Variants in VPS26B observed in about 807,000 individuals in gnomAD.
VPS26B encodes vacuolar protein sorting-associated protein 26B.
VPS26B carries 10 observed loss-of-function variants against 33.3 expected under a neutral mutation model. The observed-to-expected ratio is 0.30, with a 90% CI of 0.19 to 0.51. VPS26B has a LOEUF of 0.51. Ranked by LOEUF, VPS26B falls within the 20% of genes least tolerant of loss-of-function variation. VPS26B has a pLI of 0.98. For synonymous variants in VPS26B, 190 were observed against 176.9 expected, an observed-to-expected ratio of 1.07 and a Z score of -0.59; for missense variants, 317 against 452.7, an observed-to-expected ratio of 0.70 and a Z score of 2.72.
chr11:134,245,783 T>C lies in VPS26B; in HGVS notation c.*193T>C, dbSNP rs1026694284. ...GCTTGGGGTGGGAAGCAGTCTCTCC[T>C]TGGGATTCTGCGGCCGATGTGGGAT... is the stretch of plus-strand genomic sequence containing the variant. On this transcript the variant is annotated 3_prime_UTR_variant, in exon 6 of 6. Transcript: ENST00000281187. This position sits in a 1 kb window ranked among gnomAD's most constrained non-coding sequence, Gnocchi z 4.7. The C allele has an allele frequency of 6.4e-5, 47 of 739,472 alleles. 1 individual carries two copies. The highest frequency in any genetic ancestry group is 6.0e-4 in the South Asian group (30 of 49,928). The allele number at this position is 739,472 out of a possible 1,614,324, so 45.8% of individuals were successfully genotyped here.
intron 1 of VPS26B, among the ~76,000 whole-genome samples, chr11:134,233,698 C>G (rs544419512): frequency 2.0e-5 from 3 of 151,818 alleles, no homozygotes; most frequent in African/African-American, 4.8e-5. Context: ...GCACTCCAGC[C>G]TGGGCGACAG....
At chr11:134,241,449 G>GCCCA (rs1938724202) in intron 3 of VPS26B, among the ~76,000 whole-genome samples, 1 of 152,220 alleles carries the variant, frequency 6.6e-6, no homozygotes, top group South Asian at 2.1e-4. Context: ...CCTCGCCTAA[G>GCCCA]CCCACCAGTG....
At position 134,240,219 on chromosome 11, in the gene VPS26B, C is replaced by G; in HGVS notation, c.545+64C>G. 1 of 1,554,364 alleles carries G rather than the reference C, an allele frequency of 6.4e-7. No individual in the cohort carries two copies. The highest frequency in any genetic ancestry group is 8.8e-7 in the Non-Finnish European group (1 of 1,132,894). On this transcript the variant is annotated intron_variant, in intron 3 of 5. Transcript: ENST00000281187. The surrounding 1 kb of genome is among the most constrained non-coding windows in gnomAD (Gnocchi z 4.4). ...AAGGAGGTTAAGATGGGACTTGATG[C>G]AGATGCAAACTGATGACCCTCTGTG...
intron 2 of VPS26B, among the ~76,000 whole-genome samples, chr11:134,237,087 G>A (rs1292712550): frequency 6.6e-6 from 1 of 152,208 alleles, no homozygotes; most frequent in South Asian, 2.1e-4. Flanking sequence ...GTTTAAAGAT[G>A]TAACTTCCAG....
At chr11:134,231,215 C>T (rs1036742982) in intron 1 of VPS26B, among the ~76,000 whole-genome samples, 2 of 150,428 alleles carry the variant, frequency 1.3e-5, no homozygotes, top group African/African-American at 2.5e-5. Flanking sequence ...AGCCAACAGA[C>T]ATTATCTGGA....
rs79511723 is a variant in VPS26B at position 134,237,235 on chromosome 11, G to A, written c.380+2182G>A. 6.9e-3 allele frequency among the ~76,000 whole-genome samples: 1,055 copies of A among 152,316 alleles called. 14 individuals carry two copies. The highest frequency in any genetic ancestry group is 0.024 in the African/African-American group (1,005 of 41,578). ...ATGTAGCATTTGGTGGATGGGAAGA[G>A]TGTAGAGACAAAACTATCAGAAGGC... On this transcript the variant is annotated intron_variant, in intron 2 of 5. Coordinates refer to ENST00000281187, the MANE Select transcript of VPS26B (RefSeq NM_052875.5).
At position 134,244,723 on chromosome 11, in the gene VPS26B, G is replaced by T; in HGVS notation, c.722-215G>T. ...CTCAGTTGCTCTCTGTTTTCGAGAA[G>T]ACATGAGAAGCTGCAACATGACCTG... On this transcript the variant is annotated intron_variant, in intron 4 of 5. Transcript: ENST00000281187. This position sits in a 1 kb window ranked among gnomAD's most constrained non-coding sequence, Gnocchi z 4.0. 1.8e-6 allele frequency: 1 copy of T among 555,870 alleles called. No homozygotes were observed. The highest frequency in any genetic ancestry group is 3.1e-6 in the Non-Finnish European group (1 of 321,004). The allele number at this position is 555,870 out of a possible 1,614,324, so 34.4% of individuals were successfully genotyped here.
chr11:134,239,957 G>T lies in VPS26B; in HGVS notation c.381-34G>T, dbSNP rs768889780. 3.7e-6 allele frequency: 6 copies of T among 1,613,516 alleles called. No homozygotes were observed. The East Asian group carries it at 6.7e-5, about 18-fold the overall frequency. On this transcript the variant is annotated intron_variant, in intron 2 of 5. Transcript: ENST00000281187. ...TATCTAGGTAGCATCTGGAGACTGG[G>T]AGTGTTTATTCATGACAGTTCCGTC...
intron 1 of VPS26B, among the ~76,000 whole-genome samples, chr11:134,231,311 AATTC>A (rs1279836386): frequency 6.6e-6 from 1 of 151,910 alleles, no homozygotes; most frequent in Non-Finnish European, 1.5e-5. Flanking sequence ...TCTGTATTTT[AATTC>A]ATTAGCCCTT....
intron 1 of VPS26B, among the ~76,000 whole-genome samples, chr11:134,225,727 C>G (rs1938445631): frequency 6.6e-6 from 1 of 152,192 alleles, no homozygotes; most frequent in African/African-American, 2.4e-5. Flanking sequence ...TAGGGGGAGA[C>G]CGCTCTGCCA....
intron 3 of VPS26B, among the ~76,000 whole-genome samples, chr11:134,242,265 G>C (rs554304461): frequency 6.6e-6 from 1 of 152,198 alleles, no homozygotes; most frequent in Non-Finnish European, 1.5e-5. Context: ...GTGTGAAACA[G>C]TGGGGAACAC....
rs1435125394 is a variant in VPS26B at position 134,247,095 on chromosome 11, A to T, written c.*1505A>T. The stretch of plus-strand genomic sequence containing the variant: ...GCCTTTGGCAGGGCTCATGGATCAG[A>T]GCTGAGACTGGAGGGAGAGGCATTT... On this transcript the variant is annotated 3_prime_UTR_variant, in exon 6 of 6. Transcript: ENST00000281187. The T allele has an allele frequency of 1.3e-5, 2 of 152,142 alleles. No individual in the cohort carries two copies. The highest frequency in any genetic ancestry group is 2.9e-5 in the Non-Finnish European group (2 of 68,048). 9.4% of individuals were successfully genotyped at this position (152,142 alleles called of 1,614,324 possible).
rs1938784058 is a variant in VPS26B at position 134,244,712 on chromosome 11, G to A, written c.722-226G>A. On this transcript the variant is annotated intron_variant, in intron 4 of 5. Transcript: ENST00000281187. This position sits in a 1 kb window ranked among gnomAD's most constrained non-coding sequence, Gnocchi z 4.0. ...TGCTGTTCCCACTCAGTTGCTCTCT[G>A]TTTTCGAGAAGACATGAGAAGCTGC... 5.6e-6 allele frequency: 3 copies of A among 537,652 alleles called. No individual in the cohort carries two copies. In the East Asian group the frequency reaches 9.4e-5, roughly 17 times the overall value. The allele number at this position is 537,652 out of a possible 1,614,324, so 33.3% of individuals were successfully genotyped here. A position where few individuals can be genotyped will look rare whatever the true frequency, so the allele number is the denominator to read the frequency against.
intron 2 of VPS26B, among the ~76,000 whole-genome samples, chr11:134,237,653 G>C (rs1420331188): frequency 6.6e-6 from 1 of 152,162 alleles, no homozygotes; most frequent in East Asian, 1.9e-4. Context: ...AGGAGGAGAG[G>C]GGGGTGAATC....
At chr11:134,236,902 C>T (rs1030662045) in intron 2 of VPS26B, among the ~76,000 whole-genome samples, 7 of 152,072 alleles carry the variant, frequency 4.6e-5, no homozygotes, top group African/African-American at 1.2e-4. Flanking sequence ...TTGCACAATA[C>T]GAATATCATT....
At chr11:134,241,909 G>A (rs898676382) in intron 3 of VPS26B, among the ~76,000 whole-genome samples, 3 of 152,254 alleles carry the variant, frequency 2.0e-5, no homozygotes, top group Non-Finnish European at 2.9e-5. Context: ...GCTTGGACCA[G>A]ATCAGTGGGT....
chr11:134,230,928 C>T (rs925040516), intron 1 of VPS26B, among the ~76,000 whole-genome samples: 1 of 152,194 alleles, frequency 6.6e-6, no homozygotes, highest in African/African-American at 2.4e-5. Flanking sequence ...GAGGGCATCT[C>T]TTGGGTCAGG....
chr11:134,243,547 C>T (rs1160118824), intron 4 of VPS26B: 2 of 459,444 alleles, frequency 4.4e-6, no homozygotes, highest in Non-Finnish European at 7.7e-6. Flanking sequence ...CGGGCTTGTA[C>T]TGAAGATTGA....
chr11:134,225,064 G>T lies in VPS26B; in HGVS notation c.-59G>T. The T allele has an allele frequency of 6.7e-7, 1 of 1,502,950 alleles. No homozygotes were observed. The highest frequency in any genetic ancestry group is 9.0e-7 in the Non-Finnish European group (1 of 1,113,766). 93.1% of individuals were successfully genotyped at this position (1,502,950 alleles called of 1,614,324 possible). A position where few individuals can be genotyped will look rare whatever the true frequency, so the allele number is the denominator to read the frequency against. On this transcript the variant is annotated 5_prime_UTR_variant, in exon 1 of 6. Coordinates refer to ENST00000281187, the MANE Select transcript of VPS26B (RefSeq NM_052875.5). ...CCTCTGGCCTTCTTTACCTAGGGCA[G>T]CCCGCGCCCCGGTGCGAGGGAGCGG...
Sources: allele counts gnomAD v4.1 joint callset (sites outside exome capture counted in the v4.1 genomes callset), GRCh38; gene constraint gnomAD v4.1.1; non-coding constraint Gnocchi (gnomAD v3.1); transcripts MANE v1.5; gene names NCBI Gene and HGNC (gene_info 2026-07-23, HGNC 2026-07-21).